Variants in MLYCD observed in about 807,000 individuals in gnomAD.
MLYCD encodes malonyl-CoA decarboxylase, mitochondrial.
Under a neutral mutation model 35.8 loss-of-function variants are expected in MLYCD, and 27 were observed. That is an observed-to-expected ratio of 0.75 (90% CI 0.56 to 1.04). The LOEUF is 1.04. Ranked by LOEUF, MLYCD falls within the 50% of genes least tolerant of loss-of-function variation. The pLI is 0.00. For synonymous variants in MLYCD, 403 were observed against 302.4 expected (o/e 1.33, Z -3.45); for missense variants, 917 against 665.1 (o/e 1.38, Z -4.17).
chr16:83,915,895 C>G lies in MLYCD; in HGVS notation c.*406C>G. On this transcript the variant is annotated 3_prime_UTR_variant, in exon 5 of 5. Coordinates refer to ENST00000262430, the MANE Select transcript of MLYCD (RefSeq NM_012213.3). The stretch of plus-strand genomic sequence containing the variant: ...CGTGGCCCAGATAAGAATAGGTGTT[C>G]CTTTGTGCTCATAAAACAGAATGCG... 1 of 1,121,226 alleles carries G rather than the reference C, an allele frequency of 8.9e-7. No individual in the cohort carries two copies. The highest frequency in any genetic ancestry group is 6.1e-5 in the East Asian group (1 of 16,382). 69.5% of individuals were successfully genotyped at this position (1,121,226 alleles called of 1,614,324 possible).
chr16:83,912,259 G>A lies in MLYCD; in HGVS notation c.840G>A (p.Lys280=). The part of the protein sequence containing the change: ...KEHPPSETEE[K]NKITAAIFYS... ...ATCCTCCATCAGAAACAGAAGAGAA[G>A]AACAAAATCACTGCTGCGATCTTTT... is the stretch of plus-strand genomic sequence containing the variant. The change falls in exon 4 of 5, where the codon AAG becomes AAA. Residue 280 remains lysine (K), a synonymous_variant. Coordinates refer to ENST00000262430, the MANE Select transcript of MLYCD (RefSeq NM_012213.3). 6.2e-7 allele frequency: 1 copy of A among 1,614,186 alleles called. No homozygotes were observed. Among genetic ancestry groups the A allele is most frequent in the African/African-American group, 1.3e-5 (1 of 75,040 alleles).
At position 83,899,337 on chromosome 16, in the gene MLYCD, G is replaced by A. The variant is rs755172155; in HGVS notation, c.193G>A (p.Glu65Lys). The change falls in exon 1 of 5, where the codon GAG (glutamate) becomes AAG (lysine). Residue 65 changes from glutamate to lysine, a missense_variant. By Grantham distance (56) the Glu-to-Lys change is moderately conservative (BLOSUM62 1). Transcript: ENST00000262430. ...ELREKTPAPA[E>K]GQCADFVSFY... ...GCGCGAGAAGACACCGGCGCCCGCC[G>A]AGGGTCAGTGCGCGGACTTCGTGAG... 2.4e-5 allele frequency: 37 copies of A among 1,512,712 alleles called. 1 individual carries two copies. The South Asian group carries it at 2.9e-4, about 12-fold the overall frequency. 93.7% of individuals were successfully genotyped at this position (1,512,712 alleles called of 1,614,324 possible).
rs1907339505 is a variant in MLYCD, at chr16:83,915,319, G to A, written c.1312G>A (p.Asp438Asn). The A allele has an allele frequency of 6.2e-7, 1 of 1,613,848 alleles. No individual in the cohort carries two copies. ...AVLWRINWMA[D>N]VSLRGITGSC... ...GCTGTGGCGCATCAACTGGATGGCG[G>A]ATGTGAGCCTCAGAGGCATCACCGG... is the stretch of plus-strand genomic sequence containing the variant. The change falls in exon 5 of 5, where the codon GAT becomes AAT. Residue 438 changes from aspartate to asparagine, a missense_variant. By Grantham distance (23) the Asp-to-Asn change is conservative. Coordinates refer to ENST00000262430, the MANE Select transcript of MLYCD (RefSeq NM_012213.3).
intron 3 of MLYCD, among the ~76,000 whole-genome samples, chr16:83,908,990 A>G (rs1356308705): frequency 6.6e-6 from 1 of 152,214 alleles, no homozygotes; most frequent in East Asian, 1.9e-4. Context: ...ATGGCCCATC[A>G]CAAGATGAGT....
At position 83,899,170 on chromosome 16, in the gene MLYCD, C is replaced by T. The variant is rs1401452728; in HGVS notation, c.26C>T (p.Thr9Met). The T allele has an allele frequency of 2.6e-6, 3 of 1,162,830 alleles. No homozygotes were observed. The highest frequency in any genetic ancestry group is 3.6e-4 in the Middle Eastern group (1 of 2,792). 72.0% of individuals were successfully genotyped at this position (1,162,830 alleles called of 1,614,324 possible). A position where few individuals can be genotyped will look rare whatever the true frequency, so the allele number is the denominator to read the frequency against. Reference sequence around the variant, plus strand: ...ATGCGAGGCTTCGGGCCAGGCTTGACGGCCAGGCGTCTCCTCCCGCTGCGG... The same window carrying T: ...ATGCGAGGCTTCGGGCCAGGCTTGATGGCCAGGCGTCTCCTCCCGCTGCGG... MRGFGPGL[T>M]ARRLLPLRLP... Residue 9 changes from threonine (T) to methionine (M), a missense_variant, in exon 1 of 5, where the codon ACG (threonine) becomes ATG (methionine). Physicochemically the swap from Thr to Met is moderately conservative, Grantham distance 81. Transcript: ENST00000262430.
chr16:83,901,808 C>G (rs72791513), intron 1 of MLYCD, among the ~76,000 whole-genome samples: 1 of 152,094 alleles, frequency 6.6e-6, no homozygotes, highest in Non-Finnish European at 1.5e-5. Flanking sequence ...AGTTTCCTTG[C>G]TTTTTGACCA....
chr16:83,905,563 C>A (rs1906944112), intron 1 of MLYCD, among the ~76,000 whole-genome samples: 1 of 152,194 alleles, frequency 6.6e-6, no homozygotes, highest in African/African-American at 2.4e-5. Flanking sequence ...ATCTCCAAAG[C>A]CACGTCGTGG....
intron 1 of MLYCD, among the ~76,000 whole-genome samples, chr16:83,901,701 A>G (rs996702959): frequency 1.3e-5 from 2 of 152,224 alleles, no homozygotes; most frequent in Admixed American, 6.5e-5. Flanking sequence ...AACACGTTGC[A>G]TGGCAACTGA....
At position 83,915,146 on chromosome 16, in the gene MLYCD, G is replaced by A; in HGVS notation, c.1139G>A (p.Ser380Asn). The A allele has an allele frequency of 1.2e-6, 2 of 1,614,234 alleles. No individual in the cohort carries two copies. Among genetic ancestry groups the A allele is most frequent in the Non-Finnish European group, 1.7e-6 (2 of 1,180,026 alleles). Residue 380 changes from serine to asparagine, a missense_variant, in exon 5 of 5, where the codon AGC becomes AAC. Ser to Asn is a conservative substitution (Grantham distance 46). Transcript: ENST00000262430. ...PINETLKLLL[S>N]SSEWVQSEKL... Reference sequence around the variant, plus strand: ...AACGAGACCCTCAAGCTCCTCCTCAGCAGCAGCGAGTGGGTGCAGTCGGAG... The same window carrying A: ...AACGAGACCCTCAAGCTCCTCCTCAACAGCAGCGAGTGGGTGCAGTCGGAG...
intron 1 of MLYCD, among the ~76,000 whole-genome samples, chr16:83,900,718 G>A (rs1276359678): frequency 6.9e-6 from 1 of 144,956 alleles, no homozygotes; most frequent in Non-Finnish European, 1.5e-5. Context: ...GTTATGTGCA[G>A]TTGGTGTTAA....
At chr16:83,904,202 G>A (rs115630494) in intron 1 of MLYCD, among the ~76,000 whole-genome samples, 1,886 of 152,028 alleles carry the variant, frequency 0.012, 43 homozygotes, top group African/African-American at 0.042. Context: ...TATCACGAAT[G>A]TAAGACAGAT....
intron 1 of MLYCD, among the ~76,000 whole-genome samples, chr16:83,902,155 G>GTGTATA (rs1555537769): frequency 0.017 from 1,507 of 87,034 alleles, 14 homozygotes; most frequent in South Asian, 0.039. Flanking sequence ...GTGTGCGTGC[G>GTGTATA]TATATATATA....
chr16:83,906,715 C>T (rs1212932409), intron 1 of MLYCD, among the ~76,000 whole-genome samples: 2 of 147,060 alleles, frequency 1.4e-5, no homozygotes, highest in African/African-American at 2.6e-5. Context: ...TTGATTTGGG[C>T]AACTTAGTTC....
In MLYCD at chr16:83,908,151, A is replaced by T. The variant is rs188078575; in HGVS notation, c.667A>T (p.Asn223Tyr). 102 of 1,614,052 alleles carry T rather than the reference A, an allele frequency of 6.3e-5. No homozygotes were observed. Among genetic ancestry groups the T allele is most frequent in the Non-Finnish European group, 8.1e-5 (95 of 1,180,018 alleles). ...GGCTGAGGCTGTGCATCCTGTAAAA[A>T]ACTGGATGGACATGAAGCGCCGCGT... is the stretch of plus-strand genomic sequence containing the variant. ...SEAEAVHPVK[N>Y]WMDMKRRVGP... The change falls in exon 3 of 5, where the codon AAC (asparagine) becomes TAC (tyrosine). Residue 223 changes from asparagine (N) to tyrosine (Y), a missense_variant. Coordinates refer to ENST00000262430, the MANE Select transcript of MLYCD (RefSeq NM_012213.3).
intron 1 of MLYCD, among the ~76,000 whole-genome samples, chr16:83,903,075 G>A (rs60191549): frequency 0.065 from 9,863 of 152,204 alleles, 386 homozygotes; most frequent in East Asian, 0.14. Flanking sequence ...CCCCAGTAGA[G>A]GGGAAGGTCT....
intron 4 of MLYCD, chr16:83,912,994 C>G (rs549063477): frequency 6.1e-6 from 1 of 164,354 alleles, no homozygotes; most frequent in African/African-American, 2.4e-5. Flanking sequence ...AAACCACCAG[C>G]CTCATCAGGG....
At position 83,918,241 on chromosome 16, in the gene MLYCD, G is replaced by T. The variant is rs1223815542; in HGVS notation, c.*2752G>T. 1 of 152,274 alleles carries T rather than the reference G, an allele frequency of 6.6e-6. No individual in the cohort carries two copies. The highest frequency in any genetic ancestry group is 1.5e-5 in the Non-Finnish European group (1 of 68,056). 9.4% of individuals were successfully genotyped at this position (152,274 alleles called of 1,614,324 possible). Reference sequence around the variant, plus strand: ...ATCACTGAAATTCTGGTGAAAGCCAGGTAGGCCTCGCCGCAGGAGAACACA... The same window carrying T: ...ATCACTGAAATTCTGGTGAAAGCCATGTAGGCCTCGCCGCAGGAGAACACA... On this transcript the variant is annotated 3_prime_UTR_variant, in exon 5 of 5. Coordinates refer to ENST00000262430, the MANE Select transcript of MLYCD (RefSeq NM_012213.3).
At position 83,915,484 on chromosome 16, in the gene MLYCD, C is replaced by T; in HGVS notation, c.1477C>T (p.Leu493Phe). Residue 493 changes from leucine to phenylalanine, a missense_variant, in exon 5 of 5, where the codon CTC becomes TTC. By Grantham distance (22) the Leu-to-Phe change is conservative (BLOSUM62 0). Coordinates refer to ENST00000262430, the MANE Select transcript of MLYCD (RefSeq NM_012213.3). ...GGCCCAGTTTCAAAAGAACAGCAAG[C>T]TCTGACAGTAAACCTCTCCTAAAGC... is the stretch of plus-strand genomic sequence containing the variant. ...LVAQFQKNSKL is the reference protein window; with the variant it reads ...LVAQFQKNSKF 1.2e-6 allele frequency: 2 copies of T among 1,611,134 alleles called. No individual in the cohort carries two copies. The highest frequency in any genetic ancestry group is 8.5e-7 in the Non-Finnish European group (1 of 1,179,998).
chr16:83,912,331 A>G lies in MLYCD; in HGVS notation c.912A>G (p.Gly304=). The part of the protein sequence containing the change: ...TQQGLQGVEL[G]TFLIKRVVKE... ...AGGGACTCCAAGGGGTGGAGCTGGG[A>G]ACATTCCTCATAAAGCGAGTCGTCA... Residue 304 remains glycine, a synonymous_variant, in exon 4 of 5, where the codon GGA becomes GGG. Transcript: ENST00000262430. 1 of 1,614,170 alleles carries G rather than the reference A, an allele frequency of 6.2e-7. No homozygotes were observed.
Sources: allele counts gnomAD v4.1 joint callset (sites outside exome capture counted in the v4.1 genomes callset), GRCh38; gene constraint gnomAD v4.1.1; transcripts MANE v1.5; gene names NCBI Gene and HGNC (gene_info 2026-07-23, HGNC 2026-07-21).